The following UVRAG variants were observed in gnomAD, a reference collection of about 807,000 sequenced individuals.
UVRAG encodes the protein UV radiation resistance-associated gene protein.
UVRAG carries 19 observed loss-of-function variants against 78.0 expected under a neutral mutation model. The observed-to-expected ratio is 0.24, with a 90% CI of 0.17 to 0.36. The LOEUF is 0.36. UVRAG is among the 10% of genes least tolerant of loss of function. The probability of loss-of-function intolerance (pLI) is 1.00; values close to 1 mark genes in which losing one functional copy is unlikely to be tolerated. For synonymous variants in UVRAG, 323 were observed against 324.6 expected (o/e 1.00, Z 0.05); for missense variants, 740 against 853.8 (o/e 0.87, Z 1.66).
intron 1 of UVRAG, among the ~76,000 whole-genome samples, chr11:75,838,378 C>T (rs1243716354): frequency 6.6e-6 from 1 of 151,966 alleles, no homozygotes. Flanking sequence ...TACCCTGCTG[C>T]CCAGGCTGGA....
intron 13 of UVRAG, among the ~76,000 whole-genome samples, chr11:76,085,458 GT>G (rs2134417608): frequency 6.6e-6 from 1 of 152,300 alleles, no homozygotes; most frequent in South Asian, 2.1e-4. Context: ...TAAGGAAATT[GT>G]ACCAAATGTG....
intron 6 of UVRAG, among the ~76,000 whole-genome samples, chr11:75,918,987 A>G (rs989204860): frequency 3.3e-5 from 5 of 152,190 alleles, no homozygotes; most frequent in African/African-American, 9.7e-5. Flanking sequence ...AACTCTTTCT[A>G]TAAGTGTTTT....
chr11:75,904,114 G>A (rs924702786), intron 5 of UVRAG, among the ~76,000 whole-genome samples: 5 of 152,200 alleles, frequency 3.3e-5, no homozygotes, highest in African/African-American at 1.2e-4. Flanking sequence ...GAAATGACAT[G>A]TGGCCTGCAA....
intron 7 of UVRAG, among the ~76,000 whole-genome samples, chr11:75,982,796 T>A (rs1949419203): frequency 6.6e-6 from 1 of 152,230 alleles, no homozygotes; most frequent in South Asian, 2.1e-4. Flanking sequence ...TAACATAGCA[T>A]AATGTTTTTA....
At chr11:75,947,316 G>A (rs1948604522) in intron 6 of UVRAG, among the ~76,000 whole-genome samples, 1 of 152,130 alleles carries the variant, frequency 6.6e-6, no homozygotes, top group African/African-American at 2.4e-5. Context: ...ATTTCTGGGA[G>A]TAATATCCTA....
At chr11:75,928,961 A>AGAAAG (rs1555089146) in intron 6 of UVRAG, among the ~76,000 whole-genome samples, 2 of 142,934 alleles carry the variant, frequency 1.4e-5, no homozygotes, top group South Asian at 2.2e-4. Flanking sequence ...AAAAAAAAAA[A>AGAAAG]AAAGAATTGA....
chr11:76,002,771 A>C (rs1301774707), intron 8 of UVRAG, among the ~76,000 whole-genome samples: 1 of 152,102 alleles, frequency 6.6e-6, no homozygotes, highest in Admixed American at 6.5e-5. Context: ...AGAGAAGAGA[A>C]GGGTGCTTAA....
At chr11:75,878,213 A>G (rs1269145139) in intron 3 of UVRAG, among the ~76,000 whole-genome samples, 3 of 131,742 alleles carry the variant, frequency 2.3e-5, no homozygotes, top group Admixed American at 7.4e-5. Flanking sequence ...CGCTCCTTAC[A>G]TCCCAGACGG....
chr11:76,088,455 C>T (rs1951632680), intron 13 of UVRAG, among the ~76,000 whole-genome samples: 2 of 152,024 alleles, frequency 1.3e-5, no homozygotes, highest in African/African-American at 4.8e-5. Context: ...ATCCCATCTT[C>T]TCCTATGCCA....
intron 12 of UVRAG, among the ~76,000 whole-genome samples, chr11:76,057,715 G>A (rs1032128728): frequency 1.4e-4 from 20 of 147,074 alleles, no homozygotes; most frequent in African/African-American, 4.2e-4. Context: ...AATGCAAGAT[G>A]TTTTTTTTTT....
intron 1 of UVRAG, among the ~76,000 whole-genome samples, chr11:75,822,122 T>G (rs1034790395): frequency 4.6e-5 from 7 of 152,030 alleles, no homozygotes; most frequent in African/African-American, 1.7e-4. Flanking sequence ...TTCTTCTATT[T>G]TCAGTAGGAC....
chr11:76,055,988 C>T (rs1381626250), intron 12 of UVRAG, among the ~76,000 whole-genome samples: 4 of 152,196 alleles, frequency 2.6e-5, no homozygotes, highest in South Asian at 2.1e-4. Flanking sequence ...GGATTACAGG[C>T]GTGAGCCACT....
At chr11:75,880,173 G>C in intron 4 of UVRAG, 133 bp downstream of exon 4, 1 of 971,372 alleles carries the variant, frequency 1.0e-6, no homozygotes, top group Admixed American at 2.5e-5. Context: ...ATATCACTAA[G>C]AGAGACCTTG....
At chr11:75,825,394 T>A (rs973672382) in intron 1 of UVRAG, among the ~76,000 whole-genome samples, 2 of 152,246 alleles carry the variant, frequency 1.3e-5, no homozygotes, top group Non-Finnish European at 2.9e-5. Context: ...ATTGCAGGCA[T>A]GAGCCACTGT....
chr11:75,964,712 C>T (rs190421520), intron 7 of UVRAG, among the ~76,000 whole-genome samples: 1 of 152,270 alleles, frequency 6.6e-6, no homozygotes, highest in East Asian at 1.9e-4. Context: ...ACCAGCCTGG[C>T]CAGTATGGTG....
intron 7 of UVRAG, among the ~76,000 whole-genome samples, chr11:75,977,308 G>A (rs1484580523): frequency 6.6e-6 from 1 of 152,162 alleles, no homozygotes; most frequent in Non-Finnish European, 1.5e-5. Context: ...CAATTTTGGA[G>A]TAAGTGCGAT....
intron 8 of UVRAG, among the ~76,000 whole-genome samples, chr11:75,993,481 G>A (rs1190018022): frequency 1.3e-5 from 2 of 152,044 alleles, no homozygotes; most frequent in African/African-American, 4.8e-5. Context: ...TTTAACTTAG[G>A]ATGTTTAATA....
Position 75,817,406 on chromosome 11 carries a change from T to A in UVRAG, c.117+1882T>A, listed in dbSNP as rs1165470847. ...TGTTGATGGAATAATTTCAGCCTCA[T>A]TTGTTAGTGTTTGTGAAATTTTTGG... On this transcript the variant is annotated intron_variant, in intron 1 of 14. Transcript: ENST00000356136. Among the ~76,000 whole-genome samples, 3 of 152,284 alleles carry A rather than the reference T, an allele frequency of 2.0e-5. No homozygotes were observed. In the East Asian group the frequency reaches 5.8e-4, roughly 29 times the overall value.
rs1353429149 is a variant in UVRAG, at chr11:76,010,319, G to A, written c.1060+1452G>A. ...TAAACATGTTCTCTCCTTCCATGGA[G>A]CTTATTGGGGGAGACAGCCAATAAA... is the stretch of plus-strand genomic sequence containing the variant. On this transcript the variant is annotated intron_variant, in intron 11 of 14. Transcript: ENST00000356136. Among the ~76,000 whole-genome samples the A allele has an allele frequency of 2.0e-5, 3 of 152,174 alleles. No homozygotes were observed. The East Asian group carries it at 5.8e-4, about 29-fold the overall frequency.
Sources: allele counts gnomAD v4.1 joint callset (sites outside exome capture counted in the v4.1 genomes callset), GRCh38; gene constraint gnomAD v4.1.1; transcripts MANE v1.5; gene names NCBI Gene and HGNC (gene_info 2026-07-23, HGNC 2026-07-21).